The following PRKN variants were observed in gnomAD, a reference collection of about 807,000 sequenced individuals.
The protein encoded by PRKN is E3 ubiquitin-protein ligase parkin.
PRKN carries 56 observed loss-of-function variants against 59.5 expected under a neutral mutation model. The observed-to-expected ratio is 0.94, with a 90% CI of 0.76 to 1.18. The LOEUF is 1.18. Among genes scored for constraint, PRKN ranks in the 50% most tolerant of loss-of-function variants. The probability of loss-of-function intolerance (pLI) is 0.00; values close to 1 mark genes in which losing one functional copy is unlikely to be tolerated. For synonymous variants in PRKN, 250 were observed against 222.1 expected (o/e 1.13, Z -1.12); for missense variants, 657 against 596.4 (o/e 1.10, Z -1.06).
intron 3 of PRKN, among the ~76,000 whole-genome samples, chr6:162,213,791 C>CA (rs941983978): frequency 0.011 from 1,322 of 125,622 alleles, 25 homozygotes; most frequent in African/African-American, 0.034. Context: ...AAAATATTTC[C>CA]AAAAAAAAAC....
At chr6:161,434,475 A>G (rs902484421) in intron 9 of PRKN, among the ~76,000 whole-genome samples, 3 of 152,186 alleles carry the variant, frequency 2.0e-5, no homozygotes, top group African/African-American at 7.2e-5. Context: ...GAGCCGCCCA[A>G]GCTTCAGGAA....
At chr6:162,557,370 TC>T (rs942653416) in intron 1 of PRKN, among the ~76,000 whole-genome samples, 21 of 152,114 alleles carry the variant, frequency 1.4e-4, no homozygotes, top group Admixed American at 3.3e-4. Context: ...CCAACACCAT[TC>T]CCCCCAGGGC....
At chr6:161,916,222 T>C (rs190019779) in intron 6 of PRKN, among the ~76,000 whole-genome samples, 165 of 152,218 alleles carry the variant, frequency 1.1e-3, no homozygotes, top group Non-Finnish European at 1.9e-3. Context: ...ATAAGATACA[T>C]TGGGAGGATT....
intron 7 of PRKN, among the ~76,000 whole-genome samples, chr6:161,619,751 C>T (rs191862214): frequency 2.9e-4 from 44 of 152,206 alleles, no homozygotes; most frequent in Admixed American, 5.2e-4. Flanking sequence ...GTGGTTATTT[C>T]AGTGCGTCTA....
At chr6:162,485,764 G>T (rs992423536) in intron 1 of PRKN, among the ~76,000 whole-genome samples, 1 of 152,214 alleles carries the variant, frequency 6.6e-6, no homozygotes, top group Admixed American at 6.5e-5. Flanking sequence ...TCAGTTAGTC[G>T]CCTACTGGAG....
At chr6:162,018,866 GAGCACTACACTTAGCA>G (rs577687904) in intron 5 of PRKN, among the ~76,000 whole-genome samples, 35 of 152,214 alleles carry the variant, frequency 2.3e-4, no homozygotes, top group African/African-American at 7.0e-4. Context: ...ATAAAATCTA[GAGCACTACACTTAGCA>G]AGTCACCTGT....
At chr6:161,585,902 T>C (rs945641681) in intron 7 of PRKN, among the ~76,000 whole-genome samples, 1 of 152,162 alleles carries the variant, frequency 6.6e-6, no homozygotes, top group Non-Finnish European at 1.5e-5. Flanking sequence ...TCCAGTAACC[T>C]CTTATGTATG....
intron 1 of PRKN, among the ~76,000 whole-genome samples, chr6:162,726,643 A>G (rs1320786780): frequency 6.6e-6 from 1 of 152,206 alleles, no homozygotes; most frequent in African/African-American, 2.4e-5. Context: ...GTGCATAAAG[A>G]TCATATACTT....
intron 4 of PRKN, among the ~76,000 whole-genome samples, chr6:162,194,376 T>C (rs997661870): frequency 1.3e-5 from 2 of 152,082 alleles, no homozygotes; most frequent in African/African-American, 2.4e-5. Context: ...ATCAGCAAAA[T>C]AGTAAGTGAG....
chr6:161,940,006 C>G lies in PRKN; in HGVS notation c.734+33296G>C, dbSNP rs573964574. On this transcript the variant is annotated intron_variant, in intron 6 of 11. Transcript: ENST00000366898. ...CTCTGTCTCCCGGGTTCAAACAATTCTCTGCCACCATCTCCCAAGTAGCTG... is the reference window on the plus strand; with the variant it reads ...CTCTGTCTCCCGGGTTCAAACAATTGTCTGCCACCATCTCCCAAGTAGCTG... Among the ~76,000 whole-genome samples the G allele has an allele frequency of 1.3e-3, 199 of 151,986 alleles. 7 individuals are homozygous for G. In the South Asian group the frequency reaches 0.038, roughly 29 times the overall value.
At chr6:161,514,223 G>C (rs1296615609) in intron 9 of PRKN, among the ~76,000 whole-genome samples, 1 of 151,996 alleles carries the variant, frequency 6.6e-6, no homozygotes, top group East Asian at 1.9e-4. Flanking sequence ...CAGAGTCCTT[G>C]CTTTCTCAAG....
chr6:162,365,207 C>T (rs1049326430), intron 2 of PRKN, among the ~76,000 whole-genome samples: 3 of 152,002 alleles, frequency 2.0e-5, no homozygotes, highest in Admixed American at 6.6e-5. Flanking sequence ...CTCTGAATTT[C>T]ACCTTTATCT....
intron 1 of PRKN, among the ~76,000 whole-genome samples, chr6:162,665,280 A>G (rs1436383971): frequency 5.9e-5 from 9 of 152,060 alleles, no homozygotes; most frequent in African/African-American, 2.2e-4. Flanking sequence ...ATATTTAGAA[A>G]ACCCCATTAT....
At chr6:161,748,550 C>T (rs1417950302) in intron 7 of PRKN, among the ~76,000 whole-genome samples, 1 of 152,160 alleles carries the variant, frequency 6.6e-6, no homozygotes, top group East Asian at 1.9e-4. Flanking sequence ...ACAGCAGAAT[C>T]AGGGGCAGAT....
At chr6:162,292,027 G>T (rs1457090223) in intron 2 of PRKN, among the ~76,000 whole-genome samples, 7 of 150,566 alleles carry the variant, frequency 4.6e-5, no homozygotes, top group African/African-American at 1.7e-4. Context: ...GCAATGGCGG[G>T]ATCTCGCCTC....
At chr6:162,529,231 G>A (rs1778409430) in intron 1 of PRKN, among the ~76,000 whole-genome samples, 1 of 151,010 alleles carries the variant, frequency 6.6e-6, no homozygotes, top group Non-Finnish European at 1.5e-5. Flanking sequence ...TAACTTGATG[G>A]GAAAAAAATT....
At chr6:162,684,787 A>G (rs1779904486) in intron 1 of PRKN, among the ~76,000 whole-genome samples, 2 of 152,166 alleles carry the variant, frequency 1.3e-5, no homozygotes, top group South Asian at 2.1e-4. Context: ...TGATTAAAAA[A>G]CAAATCCCAG....
intron 9 of PRKN, among the ~76,000 whole-genome samples, chr6:161,455,011 T>C (rs1198566957): frequency 1.3e-5 from 2 of 152,032 alleles, no homozygotes; most frequent in African/African-American, 2.4e-5. Flanking sequence ...CTTGAGACGA[T>C]GGACTGTCAG....
chr6:161,923,883 T>C (rs1334866925), intron 6 of PRKN, among the ~76,000 whole-genome samples: 5 of 152,184 alleles, frequency 3.3e-5, no homozygotes, highest in Admixed American at 2.6e-4. Context: ...TGGTACTCTT[T>C]GTACTTTGCC....
Sources: gnomAD v4.1 joint callset for allele counts (sites outside exome capture counted in the v4.1 genomes callset) on GRCh38, gnomAD v4.1.1 for gene constraint, MANE v1.5 for transcripts, NCBI Gene and HGNC (gene_info 2026-07-23, HGNC 2026-07-21) for gene names.